GRIK4: variants seen among roughly 807,000 people sequenced by gnomAD.
GRIK4 encodes the protein glutamate receptor ionotropic, kainate 4.
GRIK4 carries 40 observed loss-of-function variants against 104.9 expected under a neutral mutation model. The ratio of observed to expected loss-of-function variants is 0.38; its 90% CI spans 0.30 to 0.50. GRIK4 has a LOEUF of 0.50. GRIK4 is among the 20% of genes least tolerant of loss of function. The pLI is 0.93. For missense variants in GRIK4, 1,047 were observed against 1,308.1 expected (o/e 0.80, Z 3.08); for synonymous variants, 485 against 524.9 (o/e 0.92, Z 1.04).
chr11:120,888,741 T>TGAAACCA (rs1955189809), intron 11 of GRIK4, among the ~76,000 whole-genome samples: 2 of 152,168 alleles, frequency 1.3e-5, no homozygotes, highest in African/African-American at 4.8e-5. Flanking sequence ...TATATGTAAC[T>TGAAACCA]GAAACCAAAG....
intron 3 of GRIK4, among the ~76,000 whole-genome samples, chr11:120,666,530 T>C (rs1300211836): frequency 6.6e-6 from 1 of 152,224 alleles, no homozygotes; most frequent in Non-Finnish European, 1.5e-5. Context: ...CTCTATTTTG[T>C]TTTCTTAAGC....
chr11:120,970,173 T>C (rs894948950), intron 19 of GRIK4, among the ~76,000 whole-genome samples: 2 of 152,336 alleles, frequency 1.3e-5, no homozygotes, highest in South Asian at 2.1e-4. Flanking sequence ...CTTGGAGTTA[T>C]TTCCCAAATA....
At chr11:120,915,214 T>C (rs1943081321) in intron 13 of GRIK4, among the ~76,000 whole-genome samples, 1 of 151,612 alleles carries the variant, frequency 6.6e-6, no homozygotes, top group Admixed American at 6.6e-5. Flanking sequence ...CACAGACAGG[T>C]GTACTTGAAA....
intron 11 of GRIK4, among the ~76,000 whole-genome samples, chr11:120,888,969 G>T (rs752735703): frequency 1.9e-4 from 29 of 152,126 alleles, no homozygotes; most frequent in Admixed American, 3.3e-4. Context: ...ACTTGTTTTT[G>T]ATCTCTTACC....
chr11:120,955,614 A>T (rs1158557246), intron 15 of GRIK4, among the ~76,000 whole-genome samples: 1 of 152,166 alleles, frequency 6.6e-6, no homozygotes, highest in Non-Finnish European at 1.5e-5. Flanking sequence ...ATTCAGAGAG[A>T]CGCCAGTGGT....
chr11:120,665,782 C>A (rs1949904024), intron 3 of GRIK4, among the ~76,000 whole-genome samples: 1 of 152,180 alleles, frequency 6.6e-6, no homozygotes, highest in Non-Finnish European at 1.5e-5. Context: ...GTAAGGCTAT[C>A]TCTCCTCTCC....
At chr11:120,540,958 AC>A (rs946414555) in intron 1 of GRIK4, among the ~76,000 whole-genome samples, 2 of 152,174 alleles carry the variant, frequency 1.3e-5, no homozygotes, top group African/African-American at 4.8e-5. Flanking sequence ...TGAGAGTGAG[AC>A]CCGGTCTCTT....
At chr11:120,876,174 C>CA in intron 11 of GRIK4, among the ~76,000 whole-genome samples, 1 of 147,684 alleles carries the variant, frequency 6.8e-6, no homozygotes, top group African/African-American at 2.5e-5. Context: ...TCATCACCAC[C>CA]CCCACCATCA....
intron 3 of GRIK4, among the ~76,000 whole-genome samples, chr11:120,796,020 G>T (rs3016413): frequency 0.89 from 133,179 of 149,060 alleles, 59,710 homozygotes; most frequent in African/African-American, 0.97. Flanking sequence ...TTATTTTTTG[G>T]TTTTTTTTTC....
chr11:120,864,127 C>T (rs898635492), intron 9 of GRIK4, among the ~76,000 whole-genome samples: 2 of 152,170 alleles, frequency 1.3e-5, no homozygotes, highest in Non-Finnish European at 2.9e-5. Context: ...GGATCAGACT[C>T]AACCCCTAGC....
At chr11:120,726,704 A>G (rs1013750759) in intron 3 of GRIK4, among the ~76,000 whole-genome samples, 5 of 152,194 alleles carry the variant, frequency 3.3e-5, no homozygotes, top group Non-Finnish European at 5.9e-5. Context: ...TGAGACATCT[A>G]TTAGACATAG....
intron 6 of GRIK4, 84 bp from the exon 7 acceptor site, chr11:120,831,768 T>C: frequency 9.6e-7 from 1 of 1,045,586 alleles, no homozygotes; most frequent in Non-Finnish European, 1.4e-6. Context: ...CCAGCCCACA[T>C]CTCCGTGCCT....
intron 3 of GRIK4, among the ~76,000 whole-genome samples, chr11:120,712,765 A>T (rs1418134107): frequency 6.6e-6 from 1 of 152,182 alleles, no homozygotes; most frequent in African/African-American, 2.4e-5. Context: ...TCCTGGGCCT[A>T]GAGAAGGAAG....
intron 6 of GRIK4, among the ~76,000 whole-genome samples, chr11:120,829,918 A>G (rs1953376395): frequency 6.6e-6 from 1 of 152,200 alleles, no homozygotes; most frequent in Non-Finnish European, 1.5e-5. Context: ...TGGCGGCAGC[A>G]GAGAGTCTTT....
intron 8 of GRIK4, among the ~76,000 whole-genome samples, chr11:120,857,001 C>T (rs1954123566): frequency 1.3e-5 from 2 of 152,188 alleles, no homozygotes; most frequent in Admixed American, 1.3e-4. Context: ...CTTATCCCTC[C>T]ATGTTCCCAG....
chr11:120,983,890 T>C (rs1470153967), intron 20 of GRIK4, among the ~76,000 whole-genome samples: 2 of 152,228 alleles, frequency 1.3e-5, no homozygotes, highest in East Asian at 3.8e-4. Context: ...TGTTATAGTA[T>C]TGTCACATGT....
At chr11:120,738,294 A>G (rs1951263138) in intron 3 of GRIK4, among the ~76,000 whole-genome samples, 1 of 152,252 alleles carries the variant, frequency 6.6e-6, no homozygotes, top group African/African-American at 2.4e-5. Context: ...TTCAGTAAGC[A>G]CCGTCTCAGA....
chr11:120,522,619 C>G (rs1947809391), intron 1 of GRIK4, among the ~76,000 whole-genome samples: 1 of 152,050 alleles, frequency 6.6e-6, no homozygotes, highest in African/African-American at 2.4e-5. Context: ...CTGCACCTGG[C>G]TCCCATGGGT....
chr11:120,875,828 C>T (rs541457883), intron 11 of GRIK4, among the ~76,000 whole-genome samples: 43 of 152,264 alleles, frequency 2.8e-4, no homozygotes, highest in Non-Finnish European at 5.6e-4. Context: ...TTCCCCTTTT[C>T]TGAGATCTTC....
Sources: allele counts gnomAD v4.1 joint callset (sites outside exome capture counted in the v4.1 genomes callset), GRCh38; gene constraint gnomAD v4.1.1; transcripts MANE v1.5; gene names NCBI Gene and HGNC (gene_info 2026-07-23, HGNC 2026-07-21).